Variants in PLOD3 observed in about 807,000 individuals in gnomAD.
PLOD3 encodes multifunctional procollagen lysine hydroxylase and glycosyltransferase LH3.
Under a neutral mutation model 96.9 loss-of-function variants are expected in PLOD3, and 73 were observed. The ratio of observed to expected loss-of-function variants is 0.75; its 90% CI spans 0.62 to 0.92. The LOEUF is 0.92. Among genes scored for constraint, PLOD3 ranks in the 40% least tolerant of loss-of-function variants. The pLI, the probability that PLOD3 is intolerant of heterozygous loss-of-function variation, is 0.00. For synonymous variants in PLOD3, 454 were observed against 413.7 expected (o/e 1.10, Z -1.18); for missense variants, 1,004 against 1,004.3 (o/e 1.00, Z 0.00).
At chr7:101,215,068 T>A in intron 6 of PLOD3, 21 bp downstream of exon 6, 2 of 1,592,536 alleles carry the variant, frequency 1.3e-6, no homozygotes, top group Non-Finnish European at 1.7e-6. Context: ...ATCGCCCACC[T>A]GCGGCTGTCT....
chr7:101,212,127 T>A, intron 10 of PLOD3, 126 bp downstream of exon 10: 1 of 1,293,374 alleles, frequency 7.7e-7, no homozygotes, highest in Middle Eastern at 2.6e-4. Context: ...GCTGCAAGGA[T>A]GCGAATGGGG....
chr7:101,209,996 G>T, intron 15 of PLOD3, 97 bp downstream of exon 15: 1 of 645,820 alleles, frequency 1.5e-6, no homozygotes, highest in South Asian at 1.9e-5. Flanking sequence ...TCAGATCTCT[G>T]GGGAACTCAG....
chr7:101,210,243 C>G (rs1798160012), intron 14 of PLOD3, 82 bp from the exon 15 acceptor site: 3 of 1,481,674 alleles, frequency 2.0e-6, no homozygotes, highest in Admixed American at 1.9e-5. Flanking sequence ...CACTCAGTGT[C>G]CTGCGCTGGC....
intron 7 of PLOD3, 55 bp from the exon 8 acceptor site, chr7:101,212,998 G>C: frequency 7.0e-7 from 1 of 1,434,826 alleles, no homozygotes; most frequent in Non-Finnish European, 9.8e-7. Flanking sequence ...TGGAGGTGGG[G>C]GTCAGGCACC....
At chr7:101,209,915 C>T in intron 15 of PLOD3, 178 bp downstream of exon 15, 1 of 588,176 alleles carries the variant, frequency 1.7e-6, no homozygotes, top group South Asian at 2.1e-5. Context: ...GCTGTCTGAT[C>T]AATGCTGGCT....
At chr7:101,215,197 G>A in intron 5 of PLOD3, 45 bp from the exon 6 acceptor site, 1 of 1,298,440 alleles carries the variant, frequency 7.7e-7, no homozygotes, top group South Asian at 1.2e-5. Context: ...TGGAAGGAGT[G>A]GAAAGGACAT....
intron 16 of PLOD3, among the ~76,000 whole-genome samples, chr7:101,208,226 T>A (rs1197252898): frequency 2.0e-5 from 3 of 152,112 alleles, no homozygotes. Flanking sequence ...GCCTCCTGAA[T>A]AGCTGGGACA....
At chr7:101,217,034 C>T in intron 1 of PLOD3, 132 bp downstream of exon 1, 8 of 1,066,564 alleles carry the variant, frequency 7.5e-6, no homozygotes, top group Non-Finnish European at 1.1e-5. Context: ...CTTGGCGCGA[C>T]TCAGCCTCAA....
intron 5 of PLOD3, among the ~76,000 whole-genome samples, chr7:101,215,536 C>T (rs1349782599): frequency 1.3e-5 from 2 of 152,180 alleles, no homozygotes; most frequent in African/African-American, 4.8e-5. Context: ...GACAGAGTCT[C>T]ATTCTGTCAC....
chr7:101,206,895 C>A lies in PLOD3; in HGVS notation c.1945G>T (p.Val649Leu), dbSNP rs886597664. 2.6e-6 allele frequency: 4 copies of A among 1,557,154 alleles called. No homozygotes were observed. Among genetic ancestry groups the A allele is most frequent in the South Asian group, 1.2e-5 (1 of 84,480 alleles). ...CGGTAGCGAACCACAAAGTTCATCA[C>A]CGCCCGCGCCTGGGGGAGAGGAGGG... is the stretch of plus-strand genomic sequence containing the variant. ...FPGYHTKARA[V>L]MNFVVRYRPD... The change falls in exon 18 of 19, where the codon GTG becomes TTG. Residue 649 changes from valine to leucine, a missense_variant. Physicochemically the swap from Val to Leu is conservative, Grantham distance 32. This residue lies in a region of PLOD3 where 222 missense variants were observed against 220.4 expected (regional missense o/e 1.01). Transcript: ENST00000223127.
chr7:101,208,288 T>C (rs1171799652), intron 16 of PLOD3, among the ~76,000 whole-genome samples: 1 of 151,764 alleles, frequency 6.6e-6, no homozygotes, highest in Non-Finnish European at 1.5e-5. Context: ...AGTTTCACTC[T>C]TGTTGCCCAG....
chr7:101,207,202 C>T (rs1402691368), intron 17 of PLOD3, among the ~76,000 whole-genome samples: 1 of 152,110 alleles, frequency 6.6e-6, no homozygotes, highest in Non-Finnish European at 1.5e-5. Flanking sequence ...TCTTGAACTC[C>T]TGACCTCAGG....
rs1389826507 is a variant in PLOD3 at position 101,206,179 on chromosome 7, G to A, written c.*102C>T. On this transcript the variant is annotated 3_prime_UTR_variant, in exon 19 of 19. Coordinates refer to ENST00000223127, the MANE Select transcript of PLOD3 (RefSeq NM_001084.5). The stretch of plus-strand genomic sequence containing the variant: ...TCAGGCACGCGGAACATGAACTCAG[G>A]AAGTGGGGAGACAGAGAGACCCATC... 4.3e-6 allele frequency: 5 copies of A among 1,165,372 alleles called. No individual in the cohort carries two copies. The highest frequency in any genetic ancestry group is 6.5e-6 in the Non-Finnish European group (5 of 772,112). The allele number at this position is 1,165,372 out of a possible 1,614,324, so 72.2% of individuals were successfully genotyped here. A position where few individuals can be genotyped will look rare whatever the true frequency, so the allele number is the denominator to read the frequency against.
intron 4 of PLOD3, 45 bp from the exon 5 acceptor site, chr7:101,216,065 A>C: frequency 4.4e-6 from 7 of 1,605,476 alleles, no homozygotes; most frequent in Non-Finnish European, 6.0e-6. Flanking sequence ...CCAGGGTCCC[A>C]GGGCCTGTCC....
At position 101,215,149 on chromosome 7, in the gene PLOD3, T is replaced by A. The variant is rs776488125; in HGVS notation, c.619A>T (p.Lys207Ter). Reference sequence around the variant, plus strand: ...TTATGATCCAGATTAAGGCTGAGTTTCTCCTAAATGGAATGAGATGCGATG... The same window carrying A: ...TTATGATCCAGATTAAGGCTGAGTTACTCCTAAATGGAATGAGATGCGATG... ...RLYLDPGLRE[K>*]LSLNLDHKSR... Residue 207 changes from lysine to a stop codon, truncating the protein, a stop_gained, in exon 6 of 19, where the codon AAA becomes TAA. Coordinates refer to ENST00000223127, the MANE Select transcript of PLOD3 (RefSeq NM_001084.5). LOFTEE classifies it high-confidence loss of function. 1 of 1,609,050 alleles carries A rather than the reference T, an allele frequency of 6.2e-7. No individual in the cohort carries two copies. Among genetic ancestry groups the A allele is most frequent in the African/African-American group, 1.3e-5 (1 of 74,956 alleles).
Position 101,216,013 on chromosome 7 carries a change from G to T in PLOD3, c.510C>A (p.Ile170=), listed in dbSNP as rs748081788. ...GKRFLNSGGF[I]GFATTIHQIV... Reference sequence around the variant, plus strand: ...TTTGGTGGATGGTGGTGGCAAAACCGATGAATCCTGGCGGGGAGGGGGAGT... The same window carrying T: ...TTTGGTGGATGGTGGTGGCAAAACCTATGAATCCTGGCGGGGAGGGGGAGT... Residue 170 remains isoleucine (I), a synonymous_variant, in exon 5 of 19, where the codon ATC becomes ATA. Coordinates refer to ENST00000223127, the MANE Select transcript of PLOD3 (RefSeq NM_001084.5). 20 of 1,613,776 alleles carry T rather than the reference G, an allele frequency of 1.2e-5. No homozygotes were observed. Among genetic ancestry groups the T allele is most frequent in the East Asian group, 2.2e-5 (1 of 44,864 alleles).
Position 101,215,935 on chromosome 7 carries a change from T to C in PLOD3, c.588A>G (p.Thr196=). Residue 196 remains threonine, a synonymous_variant, in exon 5 of 19, where the codon ACA becomes ACG. Transcript: ENST00000223127. ...KDDDDDQLFY[T]RLYLDPGLRE... is the part of the protein sequence containing the mutation. ...TCAGTCCTGGGTCCAGGTAGAGCCG[T>C]GTGTAGAACAGCTGGTCGTCGTCAT... 1 of 1,613,534 alleles carries C rather than the reference T, an allele frequency of 6.2e-7. No individual in the cohort carries two copies. The highest frequency in any genetic ancestry group is 8.5e-7 in the Non-Finnish European group (1 of 1,179,508).
intron 16 of PLOD3, chr7:101,208,580 T>C: frequency 2.4e-6 from 1 of 425,510 alleles, no homozygotes. Flanking sequence ...AGAGACAGGG[T>C]CTCGCTATGT....
rs756183284 is a variant in PLOD3, at chr7:101,210,305, G to T, written c.1614+26C>A. ...TTAGCACAAGGCGGGGAACCTGTGT[G>T]CTCTGGGCGTGGGGTCCCCACTCAC... On this transcript the variant is annotated intron_variant, in intron 14 of 18. Coordinates refer to ENST00000223127, the MANE Select transcript of PLOD3 (RefSeq NM_001084.5). 1.9e-6 allele frequency: 3 copies of T among 1,583,092 alleles called. No individual in the cohort carries two copies. The East Asian group carries it at 6.7e-5, about 35-fold the overall frequency.
Sources: gnomAD v4.1 joint callset for allele counts (sites outside exome capture counted in the v4.1 genomes callset) on GRCh38, gnomAD v4.1.1 for gene constraint, gnomAD v4.1.1 regional missense constraint, MANE v1.5 for transcripts, NCBI Gene and HGNC (gene_info 2026-07-23, HGNC 2026-07-21) for gene names.